PKD1L3: variants seen among roughly 807,000 people sequenced by gnomAD.
The protein encoded by PKD1L3 is polycystin-1-like protein 3.
PKD1L3 carries 239 observed loss-of-function variants against 184.1 expected under a neutral mutation model. The ratio of observed to expected loss-of-function variants is 1.30; its 90% CI spans 1.17 to 1.45. The LOEUF is 1.45. PKD1L3 is among the 40% of genes most tolerant of loss of function. The pLI is 0.00. For missense variants in PKD1L3, 2,660 were observed against 2,067.2 expected, an observed-to-expected ratio of 1.29 and a Z score of -5.56; for synonymous variants, 996 against 778.8, an observed-to-expected ratio of 1.28 and a Z score of -4.64.
chr16:71,960,770 C>G (rs2039247117), intron 16 of PKD1L3, among the ~76,000 whole-genome samples: 1 of 151,976 alleles, frequency 6.6e-6, no homozygotes, highest in South Asian at 2.1e-4. Context: ...TTTAAAAATA[C>G]TAGAACTTTG....
chr16:71,960,686 A>T (rs1303536662), intron 16 of PKD1L3, among the ~76,000 whole-genome samples: 1 of 152,228 alleles, frequency 6.6e-6, no homozygotes, highest in African/African-American at 2.4e-5. Flanking sequence ...TTGGAAACAC[A>T]GAGATTAAAC....
At chr16:71,938,868 T>A (rs553106999) in intron 24 of PKD1L3, among the ~76,000 whole-genome samples, 2 of 152,328 alleles carry the variant, frequency 1.3e-5, no homozygotes, top group East Asian at 3.9e-4. Flanking sequence ...ACCTCATTCT[T>A]CCTGGATGCA....
At chr16:71,988,385 G>C (rs1351130354) in intron 4 of PKD1L3, among the ~76,000 whole-genome samples, 1 of 152,152 alleles carries the variant, frequency 6.6e-6, no homozygotes, top group Non-Finnish European at 1.5e-5. Context: ...AGTAGAGATG[G>C]GGTTTCGCCA....
intron 15 of PKD1L3, among the ~76,000 whole-genome samples, chr16:71,966,423 CTTTT>C (rs532620279): frequency 1.4e-5 from 2 of 142,694 alleles, no homozygotes; most frequent in East Asian, 2.0e-4. Context: ...AAGATCTTGA[CTTTT>C]TTTTTTTTTT....
chr16:71,972,931 G>A (rs565703497), intron 12 of PKD1L3, among the ~76,000 whole-genome samples: 1 of 152,274 alleles, frequency 6.6e-6, no homozygotes, highest in Non-Finnish European at 1.5e-5. Context: ...CACCTGGCCT[G>A]GAACGTAAAA....
chr16:71,978,737 G>A (rs994478119), intron 9 of PKD1L3, among the ~76,000 whole-genome samples: 5 of 150,976 alleles, frequency 3.3e-5, no homozygotes, highest in Non-Finnish European at 5.9e-5. Flanking sequence ...ACAGGGTTTC[G>A]CTATGTTGGC....
chr16:71,983,435 A>G (rs974194468), intron 6 of PKD1L3, among the ~76,000 whole-genome samples: 3 of 151,874 alleles, frequency 2.0e-5, no homozygotes, highest in Admixed American at 6.6e-5. Context: ...GTGGGAGCCA[A>G]TGTGTTCCAC....
At chr16:71,951,537 T>C in intron 19 of PKD1L3, 27 bp downstream of exon 19, 1 of 1,532,344 alleles carries the variant, frequency 6.5e-7, no homozygotes, top group Non-Finnish European at 8.8e-7. Flanking sequence ...GATGGAAGAT[T>C]CGTTACTGAA....
intron 16 of PKD1L3, among the ~76,000 whole-genome samples, chr16:71,962,927 C>G (rs892059188): frequency 1.5e-4 from 23 of 151,906 alleles, no homozygotes; most frequent in Admixed American, 1.1e-3. Flanking sequence ...TCTTTTATTC[C>G]TAGATATCTT....
intron 4 of PKD1L3, among the ~76,000 whole-genome samples, chr16:71,988,383 T>C (rs940134299): frequency 6.6e-6 from 1 of 152,076 alleles, no homozygotes; most frequent in Non-Finnish European, 1.5e-5. Context: ...TTAGTAGAGA[T>C]GGGGTTTCGC....
chr16:71,942,450 T>C (rs187824025), intron 24 of PKD1L3, 110 bp downstream of exon 24: 30 of 930,628 alleles, frequency 3.2e-5, no homozygotes, highest in Non-Finnish European at 1.6e-6. Flanking sequence ...TTTACCTCTC[T>C]TGTACTCTTC....
chr16:71,962,140 T>C (rs931994695), intron 16 of PKD1L3, among the ~76,000 whole-genome samples: 3 of 152,004 alleles, frequency 2.0e-5, no homozygotes, highest in African/African-American at 7.2e-5. Context: ...GCCAGGCTGG[T>C]CTCAAACTCC....
intron 24 of PKD1L3, among the ~76,000 whole-genome samples, chr16:71,942,073 C>T (rs1052577480): frequency 2.0e-5 from 3 of 151,628 alleles, no homozygotes; most frequent in Non-Finnish European, 2.9e-5. Flanking sequence ...CCAGCACTTT[C>T]GGAGGCCAAG....
chr16:71,991,252 CT>C, intron 3 of PKD1L3: 1 of 230,186 alleles, frequency 4.3e-6, no homozygotes, highest in African/African-American at 2.3e-5. Flanking sequence ...AATGATTTTG[CT>C]TTTATTTCTT....
intron 5 of PKD1L3, among the ~76,000 whole-genome samples, chr16:71,984,661 G>C (rs2040289096): frequency 6.6e-6 from 1 of 152,142 alleles, no homozygotes; most frequent in Non-Finnish European, 1.5e-5. Context: ...GAGTTCAAGA[G>C]CAACCTGGCC....
At position 71,950,196 on chromosome 16, in the gene PKD1L3, A is replaced by C; in HGVS notation, c.3305T>G (p.Leu1102Arg). 6.4e-7 allele frequency: 1 copy of C among 1,552,300 alleles called. No homozygotes were observed. The highest frequency in any genetic ancestry group is 8.7e-7 in the Non-Finnish European group (1 of 1,147,122). ...TTTTTGAAGTTGGCTGGCTGCATCT[A>C]GGAAGTCACAGGACTGGTGACCCTG... ...LTQGHQSCDF[L>R]DAASQLQKLQ... Residue 1102 changes from leucine (L) to arginine (R), a missense_variant, in exon 20 of 30, where the codon CTA becomes CGA. By Grantham distance (102) the Leu-to-Arg change is moderately radical (BLOSUM62 -2). Coordinates refer to ENST00000620267, the MANE Select transcript of PKD1L3 (RefSeq NM_181536.2).
rs1297250215 is a variant in PKD1L3 at position 71,986,484 on chromosome 16, T to C, written c.586-15A>G. 9.7e-6 allele frequency: 15 copies of C among 1,543,180 alleles called. No homozygotes were observed. The East Asian group carries it at 3.4e-4, about 35-fold the overall frequency. ...AGGGTCTTGGACTAAAAGATAAAAA[T>C]ATGTAAAGGAAAAGACTGAATCTGA... On this transcript the variant is annotated splice_polypyrimidine_tract_variant and intron_variant, in intron 4 of 29. Coordinates refer to ENST00000620267, the MANE Select transcript of PKD1L3 (RefSeq NM_181536.2).
At chr16:71,973,567 C>T (rs1243198309) in intron 11 of PKD1L3, 50 bp from the exon 12 acceptor site, 3 of 1,434,992 alleles carry the variant, frequency 2.1e-6, no homozygotes, top group Non-Finnish European at 2.8e-6. Flanking sequence ...AACAAAAACA[C>T]CAATGAACCT....
At position 71,951,852 on chromosome 16, in the gene PKD1L3, T is replaced by C. The variant is rs939321663; in HGVS notation, c.3010-108A>G. The C allele has an allele frequency of 2.4e-5, 24 of 1,016,790 alleles. No homozygotes were observed. The African/African-American group carries it at 3.6e-4, about 15-fold the overall frequency. The allele number at this position is 1,016,790 out of a possible 1,614,324, so 63.0% of individuals were successfully genotyped here. A position where few individuals can be genotyped will look rare whatever the true frequency, so the allele number is the denominator to read the frequency against. On this transcript the variant is annotated intron_variant, in intron 18 of 29. Transcript: ENST00000620267. ...CCCTTTCGTCAGAAGGGGATATGCT[T>C]AGCACAAAGAACCTCAATTTTTCAT...
Sources: gnomAD v4.1 joint callset for allele counts (sites outside exome capture counted in the v4.1 genomes callset) on GRCh38, gnomAD v4.1.1 for gene constraint, MANE v1.5 for transcripts, NCBI Gene and HGNC (gene_info 2026-07-23, HGNC 2026-07-21) for gene names.